The following NLRC4 variants were observed in gnomAD, a reference collection of about 807,000 sequenced individuals.
The protein encoded by NLRC4 is NLR family CARD domain-containing protein 4.
A neutral mutation model predicts 79.9 loss-of-function variants in NLRC4; 63 were observed. That is an observed-to-expected ratio of 0.79 (90% CI 0.64 to 0.97). The LOEUF is 0.97. Among genes scored for constraint, NLRC4 ranks in the 50% least tolerant of loss-of-function variants. The pLI is 0.00. For missense variants in NLRC4, 1,074 were observed against 1,215.2 expected (o/e 0.88, Z 1.73); for synonymous variants, 461 against 456.5 (o/e 1.01, Z -0.12).
At chr2:32,245,364 A>G in intron 4 of NLRC4, among the ~76,000 whole-genome samples, 1 of 151,720 alleles carries the variant, frequency 6.6e-6, no homozygotes, top group East Asian at 1.9e-4. Flanking sequence ...TGGTAAGTGA[A>G]ATAAGCCAGG....
At chr2:32,252,080 C>G (rs1316379686) in intron 3 of NLRC4, among the ~76,000 whole-genome samples, 1 of 152,206 alleles carries the variant, frequency 6.6e-6, no homozygotes, top group Non-Finnish European at 1.5e-5. Flanking sequence ...TCAGCTGGGC[C>G]TCTCTCCCAT....
At chr2:32,255,655 C>CT (rs1489723461) in intron 2 of NLRC4, among the ~76,000 whole-genome samples, 7 of 151,966 alleles carry the variant, frequency 4.6e-5, no homozygotes, top group African/African-American at 1.5e-4. Context: ...TTAAAATACT[C>CT]TAATTATTTA....
At chr2:32,238,067 T>C in intron 6 of NLRC4, 65 bp downstream of exon 6, 1 of 1,135,678 alleles carries the variant, frequency 8.8e-7, no homozygotes, top group Non-Finnish European at 1.2e-6. Context: ...TTAGTGTGAA[T>C]TAGTATAATA....
intron 7 of NLRC4, 59 bp from the exon 8 acceptor site, chr2:32,235,627 A>C (rs746510903): frequency 2.2e-6 from 3 of 1,344,144 alleles, no homozygotes; most frequent in Non-Finnish European, 3.1e-6. Flanking sequence ...GGAAGAACAA[A>C]GGGGTGTTAG....
intron 1 of NLRC4, among the ~76,000 whole-genome samples, chr2:32,258,538 T>C (rs1463476791): frequency 6.6e-6 from 1 of 152,022 alleles, no homozygotes; most frequent in East Asian, 1.9e-4. Context: ...TCCCTATCAA[T>C]ATGAGTAATT....
chr2:32,242,311 A>G (rs900219477), intron 4 of NLRC4, among the ~76,000 whole-genome samples: 1 of 152,234 alleles, frequency 6.6e-6, no homozygotes, highest in East Asian at 1.9e-4. Flanking sequence ...TACCAATATC[A>G]GAAACAAAAA....
At position 32,252,522 on chromosome 2, in the gene NLRC4, C is replaced by T; in HGVS notation, c.159G>A (p.Gly53=). 6.2e-7 allele frequency: 1 copy of T among 1,614,044 alleles called. No individual in the cohort carries two copies. The highest frequency in any genetic ancestry group is 8.5e-7 in the Non-Finnish European group (1 of 1,179,910). The change falls in exon 3 of 9, where the codon GGG becomes GGA. Residue 53 remains glycine, a synonymous_variant. Coordinates refer to ENST00000402280, the MANE Select transcript of NLRC4 (RefSeq NM_001199138.2). ...CCTTTTTCAAAATCATGTGAATGAT[C>T]CCTCTAGCAGCATCCTGCTCCACCT... The part of the protein sequence containing the change: ...CEKVEQDAAR[G]IIHMILKKGS...
At chr2:32,240,978 A>T in intron 5 of NLRC4, 55 bp downstream of exon 5, 1 of 1,101,776 alleles carries the variant, frequency 9.1e-7, no homozygotes, top group Non-Finnish European at 1.4e-6. Flanking sequence ...GCCTGAAGTT[A>T]ACTCCTCTTA....
chr2:32,247,314 A>T (rs1055038746), intron 4 of NLRC4, among the ~76,000 whole-genome samples: 17 of 146,474 alleles, frequency 1.2e-4, no homozygotes, highest in Admixed American at 2.7e-4. Flanking sequence ...TATTTTTTTT[A>T]ATTTTTTTTT....
intron 8 of NLRC4, among the ~76,000 whole-genome samples, chr2:32,233,343 ATATATAT>A (rs1456776560): frequency 0.095 from 5,211 of 54,694 alleles, 128 homozygotes; most frequent in African/African-American, 0.11. Context: ...ATATATATAT[ATATATAT>A]TTTTTTTTTT....
chr2:32,237,931 C>T (rs959786836), intron 6 of NLRC4, among the ~76,000 whole-genome samples: 5 of 152,150 alleles, frequency 3.3e-5, no homozygotes, highest in Non-Finnish European at 5.9e-5. Context: ...CTGAAATTCT[C>T]CCCTATTATC....
intron 8 of NLRC4, among the ~76,000 whole-genome samples, chr2:32,227,442 T>C (rs1686430922): frequency 6.6e-6 from 1 of 152,212 alleles, no homozygotes; most frequent in Admixed American, 6.5e-5. Context: ...GTTCATGTCC[T>C]TTCTGCCTTT....
Position 32,250,006 on chromosome 2 carries a change from C to T in NLRC4, c.1858G>A (p.Ala620Thr). ...GCAGCCTTTTCCCATGAAGCCATAGCTCCCCCATAAAAGTCCAGTTTAATG... is the reference window on the plus strand; with the variant it reads ...GCAGCCTTTTCCCATGAAGCCATAGTTCCCCCATAAAAGTCCAGTTTAATG... ...DFIKLDFYGGAMASWEKAAED... is the reference protein window; with the variant it reads ...DFIKLDFYGGTMASWEKAAED... Residue 620 changes from alanine to threonine, a missense_variant, in exon 4 of 9, where the codon GCT becomes ACT. Coordinates refer to ENST00000402280, the MANE Select transcript of NLRC4 (RefSeq NM_001199138.2). The surrounding 1 kb of genome is among the most constrained non-coding windows in gnomAD (Gnocchi z 4.9). 3 of 1,614,212 alleles carry T rather than the reference C, an allele frequency of 1.9e-6. No homozygotes were observed. Among genetic ancestry groups the T allele is most frequent in the Non-Finnish European group, 2.5e-6 (3 of 1,180,054 alleles).
At position 32,252,513 on chromosome 2, in the gene NLRC4, G is replaced by T. The variant is rs769708690; in HGVS notation, c.168C>A (p.His56Gln). The stretch of plus-strand genomic sequence containing the variant: ...ACTCTGAACCCTTTTTCAAAATCAT[G>T]TGAATGATCCCTCTAGCAGCATCCT... ...VEQDAARGII[H>Q]MILKKGSESC... is the part of the protein sequence containing the mutation. Residue 56 changes from histidine (H) to glutamine (Q), a missense_variant, in exon 3 of 9, where the codon CAC becomes CAA. By Grantham distance (24) the His-to-Gln change is conservative. Coordinates refer to ENST00000402280, the MANE Select transcript of NLRC4 (RefSeq NM_001199138.2). 6.2e-7 allele frequency: 1 copy of T among 1,613,800 alleles called. No individual in the cohort carries two copies. Among genetic ancestry groups the T allele is most frequent in the Non-Finnish European group, 8.5e-7 (1 of 1,179,726 alleles).
intron 8 of NLRC4, among the ~76,000 whole-genome samples, chr2:32,226,374 A>T (rs1466899385): frequency 3.9e-5 from 6 of 152,326 alleles, no homozygotes; most frequent in Non-Finnish European, 5.9e-5. Flanking sequence ...TATCACCATC[A>T]TAAGGTCTTG....
intron 1 of NLRC4, among the ~76,000 whole-genome samples, chr2:32,260,017 T>C (rs1156775140): frequency 1.3e-5 from 2 of 151,780 alleles, no homozygotes; most frequent in Admixed American, 6.6e-5. Flanking sequence ...TCACCTGAGG[T>C]CAGGAGTTCA....
chr2:32,247,710 G>A (rs1686970524), intron 4 of NLRC4, among the ~76,000 whole-genome samples: 1 of 151,782 alleles, frequency 6.6e-6, no homozygotes, highest in African/African-American at 2.4e-5. Context: ...TACAGCTCTG[G>A]GAATCTTCCC....
At position 32,251,338 on chromosome 2, in the gene NLRC4, A is replaced by T. The variant is rs369429630; in HGVS notation, c.526T>A (p.Ser176Thr). Residue 176 changes from serine (S) to threonine (T), a missense_variant, in exon 4 of 9, where the codon TCC becomes ACC. Transcript: ENST00000402280. ...IIEGESGKGK[S>T]TLLQRIAMLW... ...ATGGCAATTCGCTGCAGCAGAGTGG[A>T]CTTGCCTTTGCCAGATTCCCCTTCA... 5.0e-6 allele frequency: 8 copies of T among 1,613,982 alleles called. No homozygotes were observed. Among genetic ancestry groups the T allele is most frequent in the Non-Finnish European group, 6.8e-6 (8 of 1,180,018 alleles).
chr2:32,232,787 A>G (rs1002976410), intron 8 of NLRC4, among the ~76,000 whole-genome samples: 5 of 152,238 alleles, frequency 3.3e-5, no homozygotes, highest in Admixed American at 3.3e-4. Context: ...GTGAAGTAAA[A>G]GAACTGGTGA....
Sources: allele counts gnomAD v4.1 joint callset (sites outside exome capture counted in the v4.1 genomes callset), GRCh38; gene constraint gnomAD v4.1.1; non-coding constraint Gnocchi (gnomAD v3.1); transcripts MANE v1.5; gene names NCBI Gene and HGNC (gene_info 2026-07-23, HGNC 2026-07-21).